Variants in SND1 observed in about 807,000 individuals in gnomAD.
The protein encoded by SND1 is staphylococcal nuclease domain-containing protein 1.
In SND1, 38 loss-of-function variants were observed where a neutral mutation model predicts 121.7. That is an observed-to-expected ratio of 0.31 (90% CI 0.24 to 0.41). The LOEUF (loss-of-function observed/expected upper bound fraction) is 0.41, where lower values mean the gene tolerates loss of function less well. Among genes scored for constraint, SND1 ranks in the 10% least tolerant of loss-of-function variants. SND1 has a pLI of 1.00. For synonymous variants in SND1, 401 were observed against 447.4 expected, an observed-to-expected ratio of 0.90 and a Z score of 1.31; for missense variants, 868 against 1,184.6, an observed-to-expected ratio of 0.73 and a Z score of 3.92.
intron 10 of SND1, among the ~76,000 whole-genome samples, chr7:127,774,336 G>A (rs1331713213): frequency 6.6e-6 from 1 of 152,104 alleles, no homozygotes; most frequent in Non-Finnish European, 1.5e-5. Context: ...AGTTTATAAA[G>A]TAAAAAAGTT....
At chr7:127,773,347 G>A (rs1003803267) in intron 10 of SND1, among the ~76,000 whole-genome samples, 2 of 152,086 alleles carry the variant, frequency 1.3e-5, no homozygotes, top group African/African-American at 4.8e-5. Flanking sequence ...AGCTACTCAG[G>A]AGGCTGAGGT....
At chr7:127,800,575 G>T (rs949347225) in intron 10 of SND1, among the ~76,000 whole-genome samples, 3 of 152,198 alleles carry the variant, frequency 2.0e-5, no homozygotes, top group African/African-American at 7.2e-5. Flanking sequence ...ATGGGAAAGG[G>T]TGATCAAAGA....
At chr7:127,917,058 T>C (rs948860950) in intron 14 of SND1, among the ~76,000 whole-genome samples, 1 of 152,258 alleles carries the variant, frequency 6.6e-6, no homozygotes, top group Non-Finnish European at 1.5e-5. Context: ...CAAACTAACT[T>C]ATGTTATCTT....
chr7:128,076,598 G>A lies in SND1; in HGVS notation c.1968+1908G>A, dbSNP rs374268604. 2.2e-4 allele frequency among the ~76,000 whole-genome samples: 34 copies of A among 152,312 alleles called. No individual in the cohort carries two copies. The East Asian group carries it at 5.4e-3, about 24-fold the overall frequency. ...GCATCTGGTGGCCGGCTGGGGGACA[G>A]TAACCTGAGTATCTGGGGTGTACCC... is the stretch of plus-strand genomic sequence containing the variant. On this transcript the variant is annotated intron_variant, in intron 17 of 23. Transcript: ENST00000354725.
chr7:127,926,562 T>C (rs940266311), intron 14 of SND1, among the ~76,000 whole-genome samples: 5 of 141,338 alleles, frequency 3.5e-5, no homozygotes, highest in Admixed American at 7.0e-5. Flanking sequence ...TTTTTTTTTT[T>C]TTTTTTTTTT....
At chr7:127,780,629 TAATG>T (rs1797701907) in intron 10 of SND1, among the ~76,000 whole-genome samples, 1 of 152,230 alleles carries the variant, frequency 6.6e-6, no homozygotes, top group Non-Finnish European at 1.5e-5. Flanking sequence ...CTTCTTGACT[TAATG>T]AAAGCCTGTC....
chr7:127,757,293 T>C (rs1797215250), intron 10 of SND1, among the ~76,000 whole-genome samples: 2 of 152,228 alleles, frequency 1.3e-5, no homozygotes, highest in Admixed American at 6.5e-5. Context: ...TAGTATTCCA[T>C]TGTTTCAATA....
intron 16 of SND1, among the ~76,000 whole-genome samples, chr7:128,055,259 T>C (rs1793119982): frequency 1.3e-5 from 2 of 152,204 alleles, no homozygotes; most frequent in South Asian, 4.1e-4. Flanking sequence ...CTCCTCCCCC[T>C]GGCAGCTCTG....
chr7:127,848,626 C>T (rs990518696), intron 12 of SND1, among the ~76,000 whole-genome samples: 1 of 152,178 alleles, frequency 6.6e-6, no homozygotes, highest in African/African-American at 2.4e-5. Context: ...ACATTTAGGC[C>T]TTCACAGCAC....
chr7:127,684,888 A>G (rs1321885811), intron 1 of SND1, among the ~76,000 whole-genome samples: 2 of 151,668 alleles, frequency 1.3e-5, no homozygotes, highest in South Asian at 2.1e-4. Context: ...TTAATGTACA[A>G]TTAAATATTG....
chr7:128,030,541 C>T (rs1403768890), intron 16 of SND1: 1 of 1,613,388 alleles, frequency 6.2e-7, no homozygotes, highest in South Asian at 1.1e-5. Context: ...GCAGCGATGG[C>T]TGCACACAGA....
chr7:127,655,127 A>G lies in SND1; in HGVS notation c.78+2676A>G, dbSNP rs138363169. 8.5e-5 allele frequency among the ~76,000 whole-genome samples: 13 copies of G among 152,320 alleles called. No homozygotes were observed. The East Asian group carries it at 2.1e-3, about 25-fold the overall frequency. ...TTTTCATTGTTAACTCTTTGGATTT[A>G]TCTGGACTCAGGCTGAGCTGAAGGT... On this transcript the variant is annotated intron_variant, in intron 1 of 23. Coordinates refer to ENST00000354725, the MANE Select transcript of SND1 (RefSeq NM_014390.4).
intron 11 of SND1, among the ~76,000 whole-genome samples, chr7:127,816,662 CTTTT>C (rs919893026): frequency 7.4e-6 from 1 of 135,234 alleles, no homozygotes; most frequent in Non-Finnish European, 1.6e-5. Context: ...TTCTCAAACT[CTTTT>C]TTTTTTTTTT....
chr7:127,997,767 T>C (rs766187676), intron 16 of SND1: 5 of 534,690 alleles, frequency 9.4e-6, no homozygotes, highest in African/African-American at 1.9e-5. Context: ...CAGTTCACCA[T>C]ATATACCATT....
At chr7:127,889,357 T>C (rs1015789744) in intron 13 of SND1, among the ~76,000 whole-genome samples, 1 of 152,042 alleles carries the variant, frequency 6.6e-6, no homozygotes, top group Non-Finnish European at 1.5e-5. Flanking sequence ...GTTTTGTTTT[T>C]TTTTTAATTT....
At chr7:128,063,631 C>T (rs1793266966) in intron 16 of SND1, among the ~76,000 whole-genome samples, 1 of 152,226 alleles carries the variant, frequency 6.6e-6, no homozygotes, top group Admixed American at 6.5e-5. Context: ...TTATTGAATG[C>T]CTACCAGGTG....
intron 3 of SND1, among the ~76,000 whole-genome samples, chr7:127,695,909 A>G: frequency 6.6e-6 from 1 of 152,176 alleles, no homozygotes; most frequent in Non-Finnish European, 1.5e-5. Context: ...CAGATGCTTC[A>G]TGGGATATTA....
chr7:127,913,895 A>G (rs974592617), intron 14 of SND1, among the ~76,000 whole-genome samples: 2 of 152,180 alleles, frequency 1.3e-5, no homozygotes, highest in Admixed American at 6.5e-5. Context: ...GCTTACTTGT[A>G]TTTTAAGTCT....
At chr7:127,653,633 A>G (rs1010235489) in intron 1 of SND1, among the ~76,000 whole-genome samples, 1 of 152,176 alleles carries the variant, frequency 6.6e-6, no homozygotes, top group Non-Finnish European at 1.5e-5. Flanking sequence ...ACATAGCAAG[A>G]CCCAGTTTAA....
Sources: allele counts gnomAD v4.1 joint callset (sites outside exome capture counted in the v4.1 genomes callset), GRCh38; gene constraint gnomAD v4.1.1; transcripts MANE v1.5; gene names NCBI Gene and HGNC (gene_info 2026-07-23, HGNC 2026-07-21).